IFT43: variants seen among roughly 807,000 people sequenced by gnomAD.
IFT43 encodes intraflagellar transport protein 43 homolog.
A neutral mutation model predicts 32.3 loss-of-function variants in IFT43; 33 were observed. The ratio of observed to expected loss-of-function variants is 1.02; its 90% CI spans 0.77 to 1.37. The LOEUF (loss-of-function observed/expected upper bound fraction) is 1.37. Ranked by LOEUF, IFT43 falls within the 40% of genes most tolerant of loss-of-function variation. The probability of loss-of-function intolerance (pLI) is 0.00; values close to 1 mark genes in which losing one functional copy is unlikely to be tolerated. For synonymous variants in IFT43, 93 were observed against 98.2 expected, an observed-to-expected ratio of 0.95 and a Z score of 0.31; for missense variants, 274 against 265.9, an observed-to-expected ratio of 1.03 and a Z score of -0.21.
intron 3 of IFT43, among the ~76,000 whole-genome samples, chr14:76,055,766 T>A (rs1239254629): frequency 6.6e-6 from 1 of 152,224 alleles, no homozygotes; most frequent in Non-Finnish European, 1.5e-5. Flanking sequence ...CGCATTTCTA[T>A]AAAGAAATAT....
chr14:76,031,955 C>T (rs770576791), intron 3 of IFT43, among the ~76,000 whole-genome samples: 4 of 152,134 alleles, frequency 2.6e-5, no homozygotes, highest in Non-Finnish European at 5.9e-5. Flanking sequence ...ATATTTCCAG[C>T]CCAGTTCTCC....
chr14:76,019,793 T>C (rs931285200), intron 2 of IFT43, among the ~76,000 whole-genome samples: 3 of 152,140 alleles, frequency 2.0e-5, no homozygotes, highest in Admixed American at 6.5e-5. Flanking sequence ...AAAAGACCTG[T>C]CCTCAAGTTC....
intron 1 of IFT43, chr14:75,986,058 A>G: frequency 6.6e-7 from 1 of 1,510,628 alleles, no homozygotes; most frequent in Non-Finnish European, 8.8e-7. Flanking sequence ...CTCAGAAAGT[A>G]GAAAACACCC....
intron 5 of IFT43, among the ~76,000 whole-genome samples, chr14:76,073,162 A>G (rs1329265136): frequency 1.3e-5 from 2 of 152,198 alleles, no homozygotes; most frequent in East Asian, 3.8e-4. Flanking sequence ...GTGGAGTTGT[A>G]GAGTTGCTCC....
intron 3 of IFT43, among the ~76,000 whole-genome samples, chr14:76,047,699 G>A (rs374404793): frequency 4.0e-5 from 6 of 151,448 alleles, no homozygotes; most frequent in East Asian, 3.9e-4. Context: ...CTGCCTGCCC[G>A]CCTGCCTTCC....
chr14:76,033,976 G>A (rs2036553896), intron 3 of IFT43, among the ~76,000 whole-genome samples: 1 of 152,180 alleles, frequency 6.6e-6, no homozygotes, highest in African/African-American at 2.4e-5. Flanking sequence ...GTCAGAACAG[G>A]ATCATGAAGA....
At chr14:76,043,601 A>G (rs1455122934) in intron 3 of IFT43, among the ~76,000 whole-genome samples, 1 of 152,198 alleles carries the variant, frequency 6.6e-6, no homozygotes, top group Non-Finnish European at 1.5e-5. Context: ...ACCTTGGGGT[A>G]CTTGCAGATG....
chr14:75,995,214 CTA>C (rs2035721390), intron 2 of IFT43, among the ~76,000 whole-genome samples: 1 of 152,110 alleles, frequency 6.6e-6, no homozygotes, highest in African/African-American at 2.4e-5. Context: ...ATCTGTGACT[CTA>C]GTTGAGTCTT....
intron 3 of IFT43, among the ~76,000 whole-genome samples, chr14:76,038,836 C>T (rs372500439): frequency 2.0e-5 from 3 of 152,148 alleles, no homozygotes; most frequent in Non-Finnish European, 2.9e-5. Flanking sequence ...TGGTAGCTGG[C>T]GGGTGGGGAG....
chr14:76,063,271 C>T (rs1036466174), intron 5 of IFT43, among the ~76,000 whole-genome samples: 2 of 152,226 alleles, frequency 1.3e-5, no homozygotes, highest in Non-Finnish European at 2.9e-5. Flanking sequence ...TATCATAATG[C>T]GTAACCCCCT....
At chr14:76,005,845 A>G (rs1030277463) in intron 2 of IFT43, among the ~76,000 whole-genome samples, 1 of 152,154 alleles carries the variant, frequency 6.6e-6, no homozygotes, top group Non-Finnish European at 1.5e-5. Context: ...GTATCTTCTA[A>G]TAGTGGTTTT....
intron 3 of IFT43, among the ~76,000 whole-genome samples, chr14:76,039,761 A>G (rs1285227519): frequency 6.6e-6 from 1 of 152,162 alleles, no homozygotes; most frequent in Non-Finnish European, 1.5e-5. Context: ...TCAGGCACCC[A>G]GTTTCCTCTC....
intron 3 of IFT43, among the ~76,000 whole-genome samples, chr14:76,035,190 T>A (rs1025142152): frequency 1.3e-5 from 2 of 152,192 alleles, no homozygotes; most frequent in African/African-American, 4.8e-5. Context: ...TAATTGACAC[T>A]AAATGATCTG....
intron 5 of IFT43, among the ~76,000 whole-genome samples, chr14:76,071,459 T>G (rs531949833): frequency 6.6e-6 from 1 of 152,146 alleles, no homozygotes; most frequent in East Asian, 1.9e-4. Flanking sequence ...CAATAAGCAG[T>G]GATGTGCTCT....
At chr14:76,042,107 GAC>G (rs3086751) in intron 3 of IFT43, among the ~76,000 whole-genome samples, 6 of 149,814 alleles carry the variant, frequency 4.0e-5, no homozygotes, top group African/African-American at 9.8e-5. Flanking sequence ...TATGGACGAG[GAC>G]ACACACACAC....
chr14:76,050,059 A>C (rs957516304), intron 3 of IFT43, among the ~76,000 whole-genome samples: 1 of 152,144 alleles, frequency 6.6e-6, no homozygotes, highest in Non-Finnish European at 1.5e-5. Flanking sequence ...CAGCCCCTGC[A>C]TGCCTCTGAC....
At chr14:76,061,050 T>TG in intron 5 of IFT43, among the ~76,000 whole-genome samples, 1 of 151,980 alleles carries the variant, frequency 6.6e-6, no homozygotes, top group East Asian at 1.9e-4. Context: ...TACAGTCACA[T>TG]GCCACCACAC....
At chr14:76,043,487 G>T (rs1348456340) in intron 3 of IFT43, among the ~76,000 whole-genome samples, 1 of 151,300 alleles carries the variant, frequency 6.6e-6, no homozygotes, top group Non-Finnish European at 1.5e-5. Context: ...TTTTTTTTGA[G>T]ACGGAGTCTC....
intron 3 of IFT43, among the ~76,000 whole-genome samples, chr14:76,041,247 A>G (rs573696213): frequency 6.6e-6 from 1 of 152,390 alleles, no homozygotes; most frequent in Non-Finnish European, 1.5e-5. Context: ...TGGTGACTAC[A>G]GCAGGTCAAT....
Sources: allele counts gnomAD v4.1 joint callset (sites outside exome capture counted in the v4.1 genomes callset), GRCh38; gene constraint gnomAD v4.1.1; transcripts MANE v1.5; gene names NCBI Gene and HGNC (gene_info 2026-07-23, HGNC 2026-07-21).